Variants in SV2C observed in about 807,000 individuals in gnomAD.
SV2C encodes the protein solute carrier family 22 member B3.
A neutral mutation model predicts 79.7 loss-of-function variants in SV2C; 49 were observed. The ratio of observed to expected loss-of-function variants is 0.61; its 90% CI spans 0.49 to 0.78. The LOEUF is 0.78. Ranked by LOEUF, SV2C falls within the 30% of genes least tolerant of loss-of-function variation. The pLI is 0.00. For missense variants in SV2C, 833 were observed against 912.9 expected, an observed-to-expected ratio of 0.91 and a Z score of 1.13; for synonymous variants, 334 against 333.2, an observed-to-expected ratio of 1.00 and a Z score of -0.03.
At chr5:76,030,646 C>T in the SV2C span, among the ~76,000 whole-genome samples, 3 of 151,886 alleles carry the variant, frequency 2.0e-5, no homozygotes, top group East Asian at 1.9e-4. Flanking sequence ...GGTTGGCAGC[C>T]GTATTCTGTC....
chr5:76,068,325 A>T, the SV2C span, among the ~76,000 whole-genome samples: 1 of 152,172 alleles, frequency 6.6e-6, no homozygotes, highest in Non-Finnish European at 1.5e-5. Context: ...TTCTTATGTG[A>T]TCATATGATT....
intron 12 of SV2C, among the ~76,000 whole-genome samples, chr5:76,347,699 C>T (rs1015217185): frequency 3.9e-5 from 6 of 152,216 alleles, no homozygotes; most frequent in African/African-American, 1.4e-4. Context: ...GCCTCGGCCT[C>T]CCAAAGTGCT....
chr5:76,340,792 T>C (rs2937735), intron 12 of SV2C, among the ~76,000 whole-genome samples: 97,416 of 151,980 alleles, frequency 0.64, 32,195 homozygotes, highest in East Asian at 0.96. Context: ...TTATTTTTCA[T>C]AGAGACGAGG....
chr5:76,082,716 A>G (rs968554778), upstream of SV2C, among the ~76,000 whole-genome samples: 6 of 143,946 alleles, frequency 4.2e-5, no homozygotes, highest in Non-Finnish European at 7.5e-5. Context: ...GTCTGGCCCT[A>G]TGTAGCATTG....
intron 2 of SV2C, among the ~76,000 whole-genome samples, chr5:76,174,835 A>G (rs1743472531): frequency 6.6e-6 from 1 of 152,216 alleles, no homozygotes; most frequent in African/African-American, 2.4e-5. Flanking sequence ...CTGTTCATCT[A>G]GCCCAACGCT....
In SV2C at chr5:76,329,319, A is replaced by G. The variant is rs1183239289; in HGVS notation, c.*3772A>G. On this transcript the variant is annotated 3_prime_UTR_variant, in exon 13 of 13. Coordinates refer to ENST00000502798, the MANE Select transcript of SV2C (RefSeq NM_014979.4). ...GCCAGATAAACGCGCTTAGGTTAGA[A>G]GACTATAATTGCAATATTACCCTAC... 6.6e-6 allele frequency: 1 copy of G among 152,202 alleles called. No individual in the cohort carries two copies. Among genetic ancestry groups the G allele is most frequent in the African/African-American group, 2.4e-5 (1 of 41,458 alleles). The allele number at this position is 152,202 out of a possible 1,614,324, so 9.4% of individuals were successfully genotyped here.
chr5:76,213,611 G>T (rs996777393), intron 4 of SV2C, among the ~76,000 whole-genome samples: 6 of 151,960 alleles, frequency 3.9e-5, no homozygotes, highest in African/African-American at 1.2e-4. Context: ...GCTTTATTGA[G>T]GTATGACTGA....
At chr5:76,084,373 C>G (rs568744839) in intron 1 of SV2C, among the ~76,000 whole-genome samples, 76 of 152,272 alleles carry the variant, frequency 5.0e-4, no homozygotes, top group African/African-American at 1.6e-3. Flanking sequence ...GACCCTTTCT[C>G]TTAGTGGGCT....
chr5:76,083,366 A>T (rs1483320576), upstream of SV2C: 3 of 152,398 alleles, frequency 2.0e-5, no homozygotes, highest in African/African-American at 7.2e-5. Context: ...CTCGCCGCTG[A>T]CACGCTCAGA....
the SV2C span, among the ~76,000 whole-genome samples, chr5:76,063,323 G>A: frequency 6.6e-6 from 1 of 152,108 alleles, no homozygotes; most frequent in Non-Finnish European, 1.5e-5. Context: ...CGGCAAATAC[G>A]TAGGTATGTG....
At chr5:76,101,464 G>A (rs1459348606) in intron 1 of SV2C, among the ~76,000 whole-genome samples, 1 of 152,010 alleles carries the variant, frequency 6.6e-6, no homozygotes, top group East Asian at 1.9e-4. Flanking sequence ...CATGTCTCTT[G>A]AGTGCTAGGC....
intron 4 of SV2C, among the ~76,000 whole-genome samples, chr5:76,213,824 C>T (rs80050892): frequency 6.6e-6 from 1 of 152,220 alleles, no homozygotes; most frequent in East Asian, 1.9e-4. Context: ...ATCTCCAGAA[C>T]TTATCATCTT....
intron 1 of SV2C, among the ~76,000 whole-genome samples, chr5:76,113,939 CAT>C (rs991749846): frequency 2.0e-5 from 3 of 151,318 alleles, no homozygotes; most frequent in Non-Finnish European, 2.9e-5. Context: ...CACACACACA[CAT>C]ATATACACAT....
intron 2 of SV2C, among the ~76,000 whole-genome samples, chr5:76,148,786 A>G (rs1749513206): frequency 6.6e-6 from 1 of 152,160 alleles, no homozygotes; most frequent in Admixed American, 6.5e-5. Flanking sequence ...CTTGTGATAG[A>G]GGCTTTTGTC....
intron 12 of SV2C, among the ~76,000 whole-genome samples, chr5:76,323,542 ACCC>A: frequency 6.6e-6 from 1 of 152,362 alleles, no homozygotes; most frequent in African/African-American, 2.4e-5. Flanking sequence ...CTGGGTATGT[ACCC>A]AAAGGAATAT....
intron 4 of SV2C, among the ~76,000 whole-genome samples, chr5:76,252,469 A>G (rs1246045375): frequency 6.6e-6 from 1 of 152,078 alleles, no homozygotes; most frequent in African/African-American, 2.4e-5. Context: ...CCACATCCAT[A>G]AGCACTCTTT....
At chr5:75,896,857 A>C in the SV2C span, among the ~76,000 whole-genome samples, 1 of 148,254 alleles carries the variant, frequency 6.7e-6, no homozygotes, top group East Asian at 1.9e-4. Context: ...TTGGCTGCAT[A>C]AATGTCTTCT....
chr5:76,115,186 T>G (rs1277185829), intron 1 of SV2C, among the ~76,000 whole-genome samples: 2 of 152,230 alleles, frequency 1.3e-5, no homozygotes, highest in Non-Finnish European at 2.9e-5. Flanking sequence ...TTGGTCCCAC[T>G]GAGGTAGTAT....
At chr5:75,924,812 G>GA in the SV2C span, among the ~76,000 whole-genome samples, 12,824 of 151,852 alleles carry the variant, frequency 0.084, 714 homozygotes, top group East Asian at 0.16. Flanking sequence ...AATAAAATAG[G>GA]AAAAATCGAA....
Sources: allele counts gnomAD v4.1 joint callset (sites outside exome capture counted in the v4.1 genomes callset), GRCh38; gene constraint gnomAD v4.1.1; transcripts MANE v1.5; gene names NCBI Gene and HGNC (gene_info 2026-07-23, HGNC 2026-07-21).